PATJ: variants seen among roughly 807,000 people sequenced by gnomAD.
PATJ encodes the protein PATJ crumbs cell polarity complex component.
In PATJ, 190 loss-of-function variants were observed where a neutral mutation model predicts 224.9. The ratio of observed to expected loss-of-function variants is 0.84; its 90% CI spans 0.75 to 0.95. PATJ has a LOEUF of 0.95. Among genes scored for constraint, PATJ ranks in the 40% least tolerant of loss-of-function variants. PATJ has a pLI of 0.00. For missense variants in PATJ, 2,121 were observed against 2,270.3 expected (o/e 0.93, Z 1.34); for synonymous variants, 769 against 820.3 (o/e 0.94, Z 1.07).
At chr1:61,871,383 T>TTG (rs1369067507) in intron 20 of PATJ, among the ~76,000 whole-genome samples, 11 of 27,232 alleles carry the variant, frequency 4.0e-4, no homozygotes, top group East Asian at 1.1e-3. Context: ...GGATAATTTT[T>TTG]TGTGTATATA....
Position 61,856,148 on chromosome 1 carries a change from GTTT to G in PATJ, c.2232_2234del (p.Cys744_Leu745delinsTrp), listed in dbSNP as rs759254164. 1 of 1,614,166 alleles carries G rather than the reference GTTT, an allele frequency of 6.2e-7. No homozygotes were observed. Among genetic ancestry groups the G allele is most frequent in the Non-Finnish European group, 8.5e-7 (1 of 1,179,992 alleles). On this transcript the variant is annotated inframe_deletion, in exon 18 of 44. Coordinates refer to ENST00000642238, the MANE Select transcript of PATJ (RefSeq NM_001350145.3). ...CGCCTGGTCTCAGTCAATGAATACT[GTTT>G]GGACAACACCTCACTTGCTGAAGCT... is the stretch of plus-strand genomic sequence containing the variant.
intron 33 of PATJ, chr1:62,100,348 G>A: frequency 1.4e-6 from 1 of 718,160 alleles, no homozygotes; most frequent in South Asian, 1.5e-5. Flanking sequence ...CAAGAGCATG[G>A]AGCCAGCATC....
In PATJ at chr1:61,914,569, C is replaced by CA; in HGVS notation, c.3493-18_3493-17insA. ...TTTAAACGTTTTCTTCCCCCCACCC[C>CA]TTTTTTTGTCACCATAGGTCATTCC... On this transcript the variant is annotated splice_polypyrimidine_tract_variant and intron_variant, in intron 25 of 43. Transcript: ENST00000642238. 1 of 1,318,912 alleles carries CA rather than the reference C, an allele frequency of 7.6e-7. No homozygotes were observed. 81.7% of individuals were successfully genotyped at this position (1,318,912 alleles called of 1,614,324 possible). A position where few individuals can be genotyped will look rare whatever the true frequency, so the allele number is the denominator to read the frequency against.
intron 34 of PATJ, among the ~76,000 whole-genome samples, chr1:62,112,415 A>G (rs941967278): frequency 6.6e-6 from 1 of 152,192 alleles, no homozygotes; most frequent in African/African-American, 2.4e-5. Flanking sequence ...CTGAGTCTGG[A>G]GAATTGCTTG....
intron 42 of PATJ, among the ~76,000 whole-genome samples, chr1:62,148,982 G>C (rs1214597439): frequency 6.6e-6 from 1 of 151,892 alleles, no homozygotes; most frequent in African/African-American, 2.4e-5. Context: ...CAAAAAATTA[G>C]CCAGGCGTAG....
At chr1:61,913,904 A>C (rs1673050576) in intron 25 of PATJ, among the ~76,000 whole-genome samples, 1 of 152,198 alleles carries the variant, frequency 6.6e-6, no homozygotes, top group African/African-American at 2.4e-5. Context: ...TCTATCTTGC[A>C]AAATGTGATG....
At chr1:61,839,011 G>T (rs1215227852) in intron 17 of PATJ, among the ~76,000 whole-genome samples, 2 of 152,104 alleles carry the variant, frequency 1.3e-5, no homozygotes, top group Non-Finnish European at 2.9e-5. Flanking sequence ...CATTTTAGAA[G>T]TGAAGAAACT....
intron 14 of PATJ, among the ~76,000 whole-genome samples, chr1:61,811,149 A>G (rs569885669): frequency 5.5e-4 from 84 of 152,322 alleles, no homozygotes; most frequent in Admixed American, 3.7e-3. Flanking sequence ...AATTAACTCT[A>G]TTATGCTTAA....
chr1:62,104,027 ATGG>A (rs1269732076), intron 33 of PATJ, among the ~76,000 whole-genome samples: 2 of 151,656 alleles, frequency 1.3e-5, no homozygotes, highest in African/African-American at 4.8e-5. Context: ...GGGTTGATTA[ATGG>A]ACTGCTTTTG....
At chr1:62,099,347 C>CTTTTTTTTTTT (rs71050197) in intron 33 of PATJ, among the ~76,000 whole-genome samples, 26 of 55,678 alleles carry the variant, frequency 4.7e-4, no homozygotes, top group East Asian at 2.0e-3. Flanking sequence ...ATATCTCCAA[C>CTTTTTTTTTTT]TTTTTTTTTT....
intron 28 of PATJ, among the ~76,000 whole-genome samples, chr1:62,012,525 G>A (rs1207830649): frequency 1.3e-5 from 2 of 151,904 alleles, no homozygotes; most frequent in Non-Finnish European, 2.9e-5. Flanking sequence ...GTTGTTTAAA[G>A]AATAATGCCC....
At chr1:61,818,258 C>T (rs1656556986) in intron 14 of PATJ, among the ~76,000 whole-genome samples, 1 of 152,198 alleles carries the variant, frequency 6.6e-6, no homozygotes, top group South Asian at 2.1e-4. Context: ...AATACATTTC[C>T]TTGTATCCTT....
At chr1:61,749,311 G>A (rs907780005) in intron 1 of PATJ, among the ~76,000 whole-genome samples, 5 of 152,040 alleles carry the variant, frequency 3.3e-5, no homozygotes, top group Non-Finnish European at 7.4e-5. Context: ...CAGCCATGAA[G>A]TAATTTTTAT....
intron 7 of PATJ, among the ~76,000 whole-genome samples, chr1:61,777,512 G>A (rs2148413606): frequency 6.6e-6 from 1 of 152,010 alleles, no homozygotes; most frequent in African/African-American, 2.4e-5. Context: ...CAGCCTGGGC[G>A]ACAGAGTAAG....
intron 31 of PATJ, among the ~76,000 whole-genome samples, chr1:62,064,109 C>T (rs1012328971): frequency 2.0e-5 from 3 of 152,178 alleles, no homozygotes; most frequent in Admixed American, 2.0e-4. Context: ...CCAGCTTTTA[C>T]ACAATCAATA....
At chr1:61,934,952 A>G (rs1676623937) in intron 27 of PATJ, among the ~76,000 whole-genome samples, 1 of 152,198 alleles carries the variant, frequency 6.6e-6, no homozygotes. Flanking sequence ...CTTTCCCCAC[A>G]TGCCATTTCC....
chr1:61,875,275 A>G lies in PATJ; in HGVS notation c.2868A>G (p.Pro956=), dbSNP rs752766354. Residue 956 remains proline, a synonymous_variant, in exon 21 of 44, where the codon CCA becomes CCG. Coordinates refer to ENST00000642238, the MANE Select transcript of PATJ (RefSeq NM_001350145.3). The part of the protein sequence containing the change: ...MKENFVMESL[P]SVPSTEGNSQ... ...AAAATTTTGTCATGGAGTCCCTACC[A>G]TCTGTACCATCAACTGAAGGAAACA... 1.1e-5 allele frequency: 17 copies of G among 1,606,432 alleles called. No individual in the cohort carries two copies. The highest frequency in any genetic ancestry group is 1.4e-5 in the Non-Finnish European group (17 of 1,174,226).
At chr1:61,967,994 G>A (rs531848717) in intron 27 of PATJ, among the ~76,000 whole-genome samples, 6 of 151,992 alleles carry the variant, frequency 3.9e-5, no homozygotes, top group East Asian at 1.9e-4. Flanking sequence ...ATTCCTTTTC[G>A]ATGTCATCAT....
At chr1:61,795,580 T>C (rs769287529) in intron 10 of PATJ, 22 bp downstream of exon 10, 2 of 1,449,004 alleles carry the variant, frequency 1.4e-6, no homozygotes, top group East Asian at 4.5e-5. Context: ...GCCTCTGTTT[T>C]AGGTTTGATT....
Sources: gnomAD v4.1 joint callset for allele counts (sites outside exome capture counted in the v4.1 genomes callset) on GRCh38, gnomAD v4.1.1 for gene constraint, MANE v1.5 for transcripts, NCBI Gene and HGNC (gene_info 2026-07-23, HGNC 2026-07-21) for gene names.